GALNT13: variants seen among roughly 807,000 people sequenced by gnomAD.
GALNT13 encodes polypeptide N-acetylgalactosaminyltransferase 13.
GALNT13 carries 28 observed loss-of-function variants against 64.2 expected under a neutral mutation model. The ratio of observed to expected loss-of-function variants is 0.44; its 90% CI spans 0.32 to 0.60. The LOEUF is 0.60. GALNT13 is among the 20% of genes least tolerant of loss of function. The pLI is 0.05. For missense variants in GALNT13, 577 were observed against 669.8 expected (o/e 0.86, Z 1.53); for synonymous variants, 214 against 224.6 (o/e 0.95, Z 0.42).
chr2:153,872,119 G>A lies in GALNT13; in HGVS notation c.-361G>A, dbSNP rs1253379356. On this transcript the variant is annotated 5_prime_UTR_variant, in exon 1 of 13. Coordinates refer to ENST00000392825, the MANE Select transcript of GALNT13 (RefSeq NM_052917.4). ...CTGCTCGCGGGCAAGTGTGAAGAGA[G>A]AGGCGCGGGCGGGAGCCGGGGCTGC... 1.3e-5 allele frequency: 2 copies of A among 151,742 alleles called. No homozygotes were observed. Among genetic ancestry groups the A allele is most frequent in the East Asian group, 3.9e-4 (2 of 5,076 alleles). The allele number at this position is 151,742 out of a possible 1,614,324, so 9.4% of individuals were successfully genotyped here.
At chr2:153,207,489 G>A in the GALNT13 span, among the ~76,000 whole-genome samples, 1 of 152,026 alleles carries the variant, frequency 6.6e-6, no homozygotes, top group Admixed American at 6.5e-5. Context: ...GTAACTCATT[G>A]TTAAATGGTG....
chr2:153,600,528 C>T, the GALNT13 span, among the ~76,000 whole-genome samples: 1 of 151,866 alleles, frequency 6.6e-6, no homozygotes, highest in Non-Finnish European at 1.5e-5. Flanking sequence ...GATCTACATA[C>T]TTATGCAAGA....
intron 3 of GALNT13, among the ~76,000 whole-genome samples, chr2:154,046,645 C>A (rs927796886): frequency 6.6e-6 from 1 of 152,132 alleles, no homozygotes; most frequent in Non-Finnish European, 1.5e-5. Flanking sequence ...TAGAATGTAA[C>A]CATATTTGGA....
At chr2:154,301,382 A>G (rs759888230) in intron 8 of GALNT13, 27 bp from the exon 9 acceptor site, 1 of 1,587,446 alleles carries the variant, frequency 6.3e-7, no homozygotes, top group Non-Finnish European at 8.6e-7. Context: ...TTATTGCATT[A>G]TTTACAATGA....
At position 154,242,042 on chromosome 2, in the gene GALNT13, A is replaced by C; in HGVS notation, c.324A>C (p.Lys108Asn). ...PDVRLEGCKT[K>N]VYPDELPNTS... is the part of the protein sequence containing the mutation. Reference sequence around the variant, plus strand: ...TTCTCTTTTTCAGATGTAAGACAAAAGTCTACCCTGATGAACTTCCAAACA... The same window carrying C: ...TTCTCTTTTTCAGATGTAAGACAAACGTCTACCCTGATGAACTTCCAAACA... The change falls in exon 5 of 13, where the codon AAA becomes AAC. Residue 108 changes from lysine (K) to asparagine (N), a missense_variant. By Grantham distance (94) the Lys-to-Asn change is moderately conservative. Around this residue, in one of 3 missense-constraint regions of GALNT13, gnomAD observed 341 missense variants for 379.3 expected, o/e 0.90. Coordinates refer to ENST00000392825, the MANE Select transcript of GALNT13 (RefSeq NM_052917.4). 1 of 1,596,590 alleles carries C rather than the reference A, an allele frequency of 6.3e-7. No homozygotes were observed. The highest frequency in any genetic ancestry group is 1.8e-5 in the Admixed American group (1 of 56,840).
intron 2 of GALNT13, among the ~76,000 whole-genome samples, chr2:153,937,793 C>T (rs757868041): frequency 3.9e-5 from 6 of 152,120 alleles, no homozygotes; most frequent in Admixed American, 1.3e-4. Flanking sequence ...AAGGAGTACA[C>T]GGTTTATGGC....
intron 8 of GALNT13, among the ~76,000 whole-genome samples, chr2:154,287,883 C>T (rs901327579): frequency 3.3e-5 from 5 of 152,106 alleles, no homozygotes; most frequent in Admixed American, 1.3e-4. Flanking sequence ...CCACCTCTCC[C>T]AGTCTTGCTA....
rs1197178916 is a variant in GALNT13, at chr2:154,341,869, CAG to C, written c.1156+40282_1156+40283del. Among the ~76,000 whole-genome samples, 4 of 152,146 alleles carry C rather than the reference CAG, an allele frequency of 2.6e-5. No individual in the cohort carries two copies. The East Asian group carries it at 7.7e-4, about 29-fold the overall frequency. ...AGGTGAGAGATTATGATAATAGTAA[CAG>C]ATGTCATGAAATGATTGTATTCGAG... On this transcript the variant is annotated intron_variant, in intron 9 of 12. Transcript: ENST00000392825.
the GALNT13 span, among the ~76,000 whole-genome samples, chr2:153,401,083 A>G: frequency 3.3e-5 from 5 of 151,974 alleles, no homozygotes; most frequent in African/African-American, 1.2e-4. Flanking sequence ...ATTTCCCTCT[A>G]CACACTGCTT....
chr2:154,019,585 G>C (rs1458215139), intron 3 of GALNT13, among the ~76,000 whole-genome samples: 1 of 142,214 alleles, frequency 7.0e-6, no homozygotes, highest in Non-Finnish European at 1.5e-5. Flanking sequence ...ACTCCAGCCT[G>C]GCCACAGAGT....
the GALNT13 span, among the ~76,000 whole-genome samples, chr2:153,562,471 A>G: frequency 2.6e-5 from 4 of 152,136 alleles, no homozygotes; most frequent in Non-Finnish European, 5.9e-5. Context: ...TTTTGGCTGT[A>G]ATAGACGTCT....
At chr2:154,380,872 T>A (rs1483515039) in intron 9 of GALNT13, among the ~76,000 whole-genome samples, 1 of 152,038 alleles carries the variant, frequency 6.6e-6, no homozygotes, top group African/African-American at 2.4e-5. Context: ...AGAATTTAGT[T>A]CCTTGGAGAT....
chr2:153,427,469 A>T, the GALNT13 span, among the ~76,000 whole-genome samples: 265 of 152,214 alleles, frequency 1.7e-3, no homozygotes, highest in African/African-American at 6.2e-3. Context: ...AGGAAGGGGA[A>T]AAATTAATAA....
intron 4 of GALNT13, among the ~76,000 whole-genome samples, chr2:154,218,558 T>C (rs577140047): frequency 6.6e-6 from 1 of 152,246 alleles, no homozygotes; most frequent in South Asian, 2.1e-4. Flanking sequence ...GGTACTTGTT[T>C]TCCAAAATCA....
At chr2:153,213,063 G>A in the GALNT13 span, among the ~76,000 whole-genome samples, 2 of 152,280 alleles carry the variant, frequency 1.3e-5, no homozygotes, top group South Asian at 2.1e-4. Context: ...GGTGTGTATC[G>A]AGTACCTACT....
At chr2:153,678,715 C>G in the GALNT13 span, among the ~76,000 whole-genome samples, 1 of 151,910 alleles carries the variant, frequency 6.6e-6, no homozygotes, top group East Asian at 1.9e-4. Flanking sequence ...AATGGACTTG[C>G]GTTGTGTCAA....
At chr2:153,850,035 C>T in the GALNT13 span, among the ~76,000 whole-genome samples, 2 of 144,832 alleles carry the variant, frequency 1.4e-5, no homozygotes, top group African/African-American at 2.5e-5. Context: ...AAAAATTAGC[C>T]GGGCATGGTG....
the GALNT13 span, among the ~76,000 whole-genome samples, chr2:153,179,906 T>C: frequency 6.6e-6 from 1 of 152,156 alleles, no homozygotes; most frequent in Non-Finnish European, 1.5e-5. Flanking sequence ...TACTGTATCA[T>C]TTATTCTAAC....
chr2:153,761,119 A>G, the GALNT13 span, among the ~76,000 whole-genome samples: 4 of 152,086 alleles, frequency 2.6e-5, no homozygotes, highest in African/African-American at 7.2e-5. Context: ...GTGGCCTTAA[A>G]TGTGAGTTGA....
Sources: allele counts gnomAD v4.1 joint callset (sites outside exome capture counted in the v4.1 genomes callset), GRCh38; gene constraint gnomAD v4.1.1; regional missense constraint gnomAD v4.1.1; transcripts MANE v1.5; gene names NCBI Gene and HGNC (gene_info 2026-07-23, HGNC 2026-07-21).